PDE4D: variants seen among roughly 807,000 people sequenced by gnomAD.
PDE4D encodes 3',5'-cyclic-AMP phosphodiesterase 4D.
A neutral mutation model predicts 87.4 loss-of-function variants in PDE4D; 24 were observed. The ratio of observed to expected loss-of-function variants is 0.27; its 90% CI spans 0.20 to 0.39. PDE4D has a LOEUF of 0.39. Ranked by LOEUF, PDE4D falls within the 10% of genes least tolerant of loss-of-function variation. PDE4D has a pLI of 1.00. For missense variants in PDE4D, 714 were observed against 1,041.0 expected (o/e 0.69, Z 4.32); for synonymous variants, 384 against 383.2 (o/e 1.00, Z -0.02).
chr5:60,187,201 AT>A (rs1012712332), intron 1 of PDE4D, among the ~76,000 whole-genome samples: 2 of 152,190 alleles, frequency 1.3e-5, no homozygotes, highest in African/African-American at 4.8e-5. Context: ...GTGTGTATGG[AT>A]TTTTTCTAAA....
chr5:59,649,193 G>T (rs932522537), intron 1 of PDE4D, among the ~76,000 whole-genome samples: 1 of 152,188 alleles, frequency 6.6e-6, no homozygotes, highest in African/African-American at 2.4e-5. Context: ...CATTAGAAAG[G>T]AAGTTGTGTA....
chr5:59,315,065 CT>C (rs1412149712), intron 1 of PDE4D, among the ~76,000 whole-genome samples: 1 of 152,166 alleles, frequency 6.6e-6, no homozygotes, highest in Non-Finnish European at 1.5e-5. Flanking sequence ...AGATGGGAGC[CT>C]GCTGGCAGAA....
At chr5:60,153,930 T>C (rs573904774) in intron 2 of PDE4D, among the ~76,000 whole-genome samples, 1 of 152,324 alleles carries the variant, frequency 6.6e-6, no homozygotes, top group African/African-American at 2.4e-5. Context: ...GTCCTAGAGA[T>C]TGTCAATACA....
chr5:59,315,858 C>T (rs183983748), intron 1 of PDE4D, among the ~76,000 whole-genome samples: 20 of 151,604 alleles, frequency 1.3e-4, no homozygotes, highest in East Asian at 3.9e-4. Flanking sequence ...ACTGAGCACG[C>T]GGCGATTAGC....
At chr5:59,844,347 G>T (rs1743506359) in intron 1 of PDE4D, among the ~76,000 whole-genome samples, 1 of 151,986 alleles carries the variant, frequency 6.6e-6, no homozygotes, top group Non-Finnish European at 1.5e-5. Context: ...AGTCTTTTAA[G>T]ATATGCATAT....
intron 2 of PDE4D, among the ~76,000 whole-genome samples, chr5:60,181,692 G>A (rs1005487323): frequency 5.3e-5 from 8 of 152,254 alleles, no homozygotes; most frequent in African/African-American, 1.7e-4. Context: ...AAATGATTCA[G>A]TGTACTAGAA....
intron 1 of PDE4D, among the ~76,000 whole-genome samples, chr5:59,806,784 A>T (rs1561692440): frequency 1.3e-5 from 2 of 152,244 alleles, no homozygotes; most frequent in Non-Finnish European, 2.9e-5. Context: ...TGTTTTCACC[A>T]CAAAAATGAT....
At chr5:59,573,719 C>T (rs1822270535) in intron 1 of PDE4D, among the ~76,000 whole-genome samples, 1 of 151,828 alleles carries the variant, frequency 6.6e-6, no homozygotes, top group Non-Finnish European at 1.5e-5. Context: ...TCTTCTAGGC[C>T]AGCTGCAGTG....
At chr5:59,426,455 T>G (rs1332790907) in intron 1 of PDE4D, among the ~76,000 whole-genome samples, 1 of 152,054 alleles carries the variant, frequency 6.6e-6, no homozygotes, top group African/African-American at 2.4e-5. Context: ...CCAGCGATAA[T>G]AGGGAGAGCA....
At chr5:59,953,484 T>G (rs1021357329) in intron 3 of PDE4D, among the ~76,000 whole-genome samples, 1 of 152,134 alleles carries the variant, frequency 6.6e-6, no homozygotes, top group African/African-American at 2.4e-5. Flanking sequence ...TCATTAACAC[T>G]CACTTGATAA....
chr5:59,706,915 T>C (rs1347455880), intron 1 of PDE4D, among the ~76,000 whole-genome samples: 1 of 152,178 alleles, frequency 6.6e-6, no homozygotes, highest in Non-Finnish European at 1.5e-5. Flanking sequence ...TTGCTTTTTA[T>C]TATGGACAAT....
At chr5:59,854,851 G>A (rs1745191797) in intron 1 of PDE4D, among the ~76,000 whole-genome samples, 1 of 152,110 alleles carries the variant, frequency 6.6e-6, no homozygotes, top group African/African-American at 2.4e-5. Flanking sequence ...GCTTGAAGGT[G>A]TGTGTTGGCA....
At chr5:60,063,829 A>T (rs1418055204) in intron 2 of PDE4D, among the ~76,000 whole-genome samples, 2 of 152,062 alleles carry the variant, frequency 1.3e-5, no homozygotes, top group Non-Finnish European at 2.9e-5. Context: ...AGATAGTAAT[A>T]AAAAGATTGA....
chr5:60,106,540 A>G (rs1473535648), intron 2 of PDE4D, among the ~76,000 whole-genome samples: 2 of 152,102 alleles, frequency 1.3e-5, no homozygotes, highest in Non-Finnish European at 2.9e-5. Context: ...TCCACCCCAA[A>G]TCAACAGAAT....
At chr5:59,684,867 C>G (rs1749597427) in intron 1 of PDE4D, among the ~76,000 whole-genome samples, 1 of 152,302 alleles carries the variant, frequency 6.6e-6, no homozygotes, top group African/African-American at 2.4e-5. Flanking sequence ...CTAGCCCAAT[C>G]AAGGATGCTC....
chr5:59,941,906 C>T (rs988576770), intron 3 of PDE4D, among the ~76,000 whole-genome samples: 3 of 152,204 alleles, frequency 2.0e-5, no homozygotes, highest in Non-Finnish European at 2.9e-5. Context: ...AAGCCCCTAC[C>T]TCTCTACTGT....
intron 3 of PDE4D, among the ~76,000 whole-genome samples, chr5:59,932,086 T>C (rs937940152): frequency 6.6e-6 from 1 of 152,192 alleles, no homozygotes; most frequent in Non-Finnish European, 1.5e-5. Flanking sequence ...TGCCATACAC[T>C]CTAAACAGCA....
At chr5:60,252,901 GT>G (rs1025732654) in intron 1 of PDE4D, among the ~76,000 whole-genome samples, 1 of 151,838 alleles carries the variant, frequency 6.6e-6, no homozygotes, top group African/African-American at 2.4e-5. Context: ...ATAAACTAGA[GT>G]GGAATTTTGA....
At chr5:60,230,420 G>C (rs1460090263) in intron 1 of PDE4D, among the ~76,000 whole-genome samples, 1 of 152,074 alleles carries the variant, frequency 6.6e-6, no homozygotes, top group Non-Finnish European at 1.5e-5. Context: ...TTGCAAAGTG[G>C]AAACTTATTC....
Sources: allele counts gnomAD v4.1 joint callset (sites outside exome capture counted in the v4.1 genomes callset), GRCh38; gene constraint gnomAD v4.1.1; transcripts MANE v1.5; gene names NCBI Gene and HGNC (gene_info 2026-07-23, HGNC 2026-07-21).